OSBPL1A: variants seen among roughly 807,000 people sequenced by gnomAD.
OSBPL1A encodes oxysterol-binding protein-related protein 1.
A neutral mutation model predicts 137.1 loss-of-function variants in OSBPL1A; 80 were observed. The observed-to-expected ratio is 0.58, with a 90% CI of 0.49 to 0.70. OSBPL1A has a LOEUF of 0.70. Among genes scored for constraint, OSBPL1A ranks in the 30% least tolerant of loss-of-function variants. The pLI is 0.00. For missense variants in OSBPL1A, 970 were observed against 1,129.4 expected, an observed-to-expected ratio of 0.86 and a Z score of 2.02; for synonymous variants, 365 against 389.7, an observed-to-expected ratio of 0.94 and a Z score of 0.75.
At chr18:24,392,196 T>G (rs1907405873) in intron 1 of OSBPL1A, among the ~76,000 whole-genome samples, 1 of 151,258 alleles carries the variant, frequency 6.6e-6, no homozygotes, top group African/African-American at 2.4e-5. Flanking sequence ...GAGTTTCACT[T>G]GTTTCCCATG....
chr18:24,213,496 A>C (rs1230125939), intron 17 of OSBPL1A, among the ~76,000 whole-genome samples: 1 of 152,124 alleles, frequency 6.6e-6, no homozygotes, highest in Non-Finnish European at 1.5e-5. Context: ...TGAACCCAGG[A>C]GGCAGAGGTT....
Position 24,239,354 on chromosome 18 carries a change from T to C in OSBPL1A, c.1310A>G (p.Gln437Arg). ...GVRNFKLEQEQEKNKILSEAL... is the reference protein window; with the variant it reads ...GVRNFKLEQEREKNKILSEAL... ...TTCTGACAAGATTTTGTTTTTTTCT[T>C]GCTCTTGTTCCAATTTAAAATTCCT... is the stretch of plus-strand genomic sequence containing the variant. Residue 437 changes from glutamine to arginine, a missense_variant, in exon 16 of 28, where the codon CAA becomes CGA. By Grantham distance (43) the Gln-to-Arg change is conservative. Transcript: ENST00000319481. The C allele has an allele frequency of 1.2e-6, 2 of 1,613,998 alleles. No homozygotes were observed. The highest frequency in any genetic ancestry group is 1.7e-6 in the Non-Finnish European group (2 of 1,179,940).
chr18:24,287,053 A>G (rs1302552707), intron 14 of OSBPL1A, among the ~76,000 whole-genome samples: 2 of 152,248 alleles, frequency 1.3e-5, no homozygotes, highest in Non-Finnish European at 2.9e-5. Context: ...AGAAAAGAGT[A>G]CAAGTCACAA....
intron 15 of OSBPL1A, among the ~76,000 whole-genome samples, chr18:24,276,843 A>C (rs927490695): frequency 1.2e-4 from 19 of 152,320 alleles, no homozygotes; most frequent in Middle Eastern, 3.4e-3. Flanking sequence ...ATATCAGTAC[A>C]TCCTCAAATA....
chr18:24,300,072 G>A (rs1473274159), intron 14 of OSBPL1A, among the ~76,000 whole-genome samples: 2 of 152,130 alleles, frequency 1.3e-5, no homozygotes. Context: ...TTTTGTTTTT[G>A]CAACCAGGCT....
At chr18:24,325,875 C>A (rs1384060177) in intron 7 of OSBPL1A, among the ~76,000 whole-genome samples, 1 of 152,112 alleles carries the variant, frequency 6.6e-6, no homozygotes, top group Admixed American at 6.6e-5. Context: ...ATGGATTAAC[C>A]AATTTGATTA....
At chr18:24,330,276 A>G (rs2091052616) in intron 7 of OSBPL1A, among the ~76,000 whole-genome samples, 1 of 152,056 alleles carries the variant, frequency 6.6e-6, no homozygotes, top group Non-Finnish European at 1.5e-5. Flanking sequence ...TGGGGATTTC[A>G]CCTATACCTG....
At chr18:24,276,828 AG>A (rs1261609868) in intron 15 of OSBPL1A, among the ~76,000 whole-genome samples, 2 of 152,198 alleles carry the variant, frequency 1.3e-5, no homozygotes, top group African/African-American at 4.8e-5. Flanking sequence ...TCGATTATGT[AG>A]ATCATATCAG....
At chr18:24,376,141 CCG>C (rs1906113745) in intron 2 of OSBPL1A, among the ~76,000 whole-genome samples, 1 of 152,184 alleles carries the variant, frequency 6.6e-6, no homozygotes, top group African/African-American at 2.4e-5. Context: ...ACTGCTGGCT[CCG>C]GCAGCCTGCT....
chr18:24,163,138 CTTATTTGTAGA>C lies in OSBPL1A; in HGVS notation c.*30_*40del. On this transcript the variant is annotated 3_prime_UTR_variant, in exon 28 of 28. Transcript: ENST00000319481. ...AAAATTTAAAAACATAGGTTTAAGA[CTTATTTGTAGA>C]TTAGCCAAACACCCTGACTTGTATG... is the stretch of plus-strand genomic sequence containing the variant. The C allele has an allele frequency of 2.1e-6, 3 of 1,445,070 alleles. No homozygotes were observed. Among genetic ancestry groups the C allele is most frequent in the Non-Finnish European group, 2.9e-6 (3 of 1,040,866 alleles). 89.5% of individuals were successfully genotyped at this position (1,445,070 alleles called of 1,614,324 possible).
chr18:24,326,476 T>G (rs1289509399), intron 7 of OSBPL1A, among the ~76,000 whole-genome samples: 1 of 152,218 alleles, frequency 6.6e-6, no homozygotes, highest in African/African-American at 2.4e-5. Context: ...TAACACATTA[T>G]CTCCCACTGA....
chr18:24,225,149 G>A lies in OSBPL1A; in HGVS notation c.1494C>T (p.Arg498=), dbSNP rs1184035173. ...SLSRLEAVTA[R]SFEEEGEHLG... Reference sequence around the variant, plus strand: ...AATGCTCTCCTTCCTCTTCAAAGGAGCGTGCTGTCACTGCTTCCAATCTAC... The same window carrying A: ...AATGCTCTCCTTCCTCTTCAAAGGAACGTGCTGTCACTGCTTCCAATCTAC... The change falls in exon 17 of 28, where the codon CGC becomes CGT. Residue 498 remains arginine, a synonymous_variant. Coordinates refer to ENST00000319481, the MANE Select transcript of OSBPL1A (RefSeq NM_080597.4). 1.2e-6 allele frequency: 2 copies of A among 1,614,020 alleles called. No homozygotes were observed. The highest frequency in any genetic ancestry group is 1.7e-6 in the Non-Finnish European group (2 of 1,180,014).
chr18:24,350,923 G>GT (rs879728394), intron 4 of OSBPL1A, among the ~76,000 whole-genome samples: 2 of 152,102 alleles, frequency 1.3e-5, no homozygotes, highest in African/African-American at 2.4e-5. Flanking sequence ...GAAGACATGG[G>GT]GCCCAGGAAA....
At chr18:24,314,446 G>A (rs1181044009) in intron 11 of OSBPL1A, 99 bp from the exon 12 acceptor site, 5 of 739,802 alleles carry the variant, frequency 6.8e-6, no homozygotes, top group Non-Finnish European at 1.1e-5. Flanking sequence ...ATGACTTAAC[G>A]ATACCCAGTT....
intron 19 of OSBPL1A, among the ~76,000 whole-genome samples, chr18:24,180,574 T>C (rs2086578506): frequency 6.6e-6 from 1 of 151,944 alleles, no homozygotes; most frequent in Admixed American, 6.6e-5. Flanking sequence ...CTTTCTCAAC[T>C]AAAGATTTAG....
chr18:24,182,404 TCGACCATTCC>T (rs1305217668), intron 18 of OSBPL1A, among the ~76,000 whole-genome samples: 4 of 152,230 alleles, frequency 2.6e-5, no homozygotes, highest in Non-Finnish European at 5.9e-5. Flanking sequence ...CAAACTTCTA[TCGACCATTCC>T]CTTGGGAATC....
chr18:24,219,401 T>C (rs2087814825), intron 17 of OSBPL1A, among the ~76,000 whole-genome samples: 1 of 152,214 alleles, frequency 6.6e-6, no homozygotes, highest in Non-Finnish European at 1.5e-5. Flanking sequence ...GGGTTCATTA[T>C]ATTATTCTAC....
At chr18:24,195,369 G>C (rs2086999002) in intron 18 of OSBPL1A, among the ~76,000 whole-genome samples, 1 of 152,168 alleles carries the variant, frequency 6.6e-6, no homozygotes. Flanking sequence ...TATCTCTGCA[G>C]CGGACAGGAT....
At chr18:24,340,431 T>C (rs948379937) in intron 5 of OSBPL1A, among the ~76,000 whole-genome samples, 1 of 152,122 alleles carries the variant, frequency 6.6e-6, no homozygotes, top group Non-Finnish European at 1.5e-5. Context: ...CTAGTACTTT[T>C]GGGAGGCCGA....
Sources: allele counts gnomAD v4.1 joint callset (sites outside exome capture counted in the v4.1 genomes callset), GRCh38; gene constraint gnomAD v4.1.1; transcripts MANE v1.5; gene names NCBI Gene and HGNC (gene_info 2026-07-23, HGNC 2026-07-21).